ZDHHC1: variants seen among roughly 807,000 people sequenced by gnomAD.
The protein encoded by ZDHHC1 is palmitoyltransferase ZDHHC1.
In ZDHHC1, 45 loss-of-function variants were observed where a neutral mutation model predicts 46.9. The observed-to-expected ratio is 0.96, with a 90% CI of 0.76 to 1.23. The LOEUF (loss-of-function observed/expected upper bound fraction) is 1.23, where lower values mean the gene tolerates loss of function less well. ZDHHC1 is among the 50% of genes most tolerant of loss of function. The pLI is 0.00. For synonymous variants in ZDHHC1, 291 were observed against 286.0 expected (o/e 1.02, Z -0.18); for missense variants, 649 against 670.8 (o/e 0.97, Z 0.36).
chr16:67,399,539 C>G, intron 4 of ZDHHC1, 83 bp from the exon 5 acceptor site: 2 of 1,189,822 alleles, frequency 1.7e-6, no homozygotes, highest in Non-Finnish European at 2.4e-6. Context: ...TGAGTGGGGT[C>G]TGTGGAGGGA....
intron 10 of ZDHHC1, 27 bp from the exon 11 acceptor site, chr16:67,395,089 G>T: frequency 4.3e-6 from 7 of 1,613,266 alleles, no homozygotes; most frequent in Non-Finnish European, 3.4e-6. Context: ...GAGCCTGAGG[G>T]CCCCACATCG....
At position 67,395,457 on chromosome 16, in the gene ZDHHC1, A is replaced by G. The variant is rs997312270; in HGVS notation, c.1010+27T>C. The G allele has an allele frequency of 2.6e-6, 4 of 1,550,798 alleles. No homozygotes were observed. In the African/African-American group the frequency reaches 4.1e-5, roughly 16 times the overall value. ...CCTGCCATGCTAACTGGAGATGCCC[A>G]GTGGCACATGCCCAGGTTGCACTCA... On this transcript the variant is annotated intron_variant, in intron 9 of 11. Coordinates refer to ENST00000565726, the MANE Select transcript of ZDHHC1 (RefSeq NM_001323627.2).
At chr16:67,397,857 TGAG>T (rs572922427) in intron 8 of ZDHHC1, among the ~76,000 whole-genome samples, 39 of 152,338 alleles carry the variant, frequency 2.6e-4, no homozygotes, top group African/African-American at 8.9e-4. Context: ...AGGTCATGGA[TGAG>T]GAGAAGTGAT....
intron 1 of ZDHHC1, among the ~76,000 whole-genome samples, chr16:67,411,850 C>T (rs1362697715): frequency 2.0e-5 from 3 of 152,304 alleles, no homozygotes; most frequent in East Asian, 1.9e-4. Context: ...CGGTGGCTCA[C>T]GCCTGTAATC....
At chr16:67,399,509 GC>G in intron 4 of ZDHHC1, 53 bp from the exon 5 acceptor site, 1 of 1,505,064 alleles carries the variant, frequency 6.6e-7, no homozygotes, top group Admixed American at 1.7e-5. Context: ...CCGCTCTGCG[GC>G]CCGGCCGGTC....
chr16:67,398,530 G>C, intron 7 of ZDHHC1, 43 bp downstream of exon 7: 1 of 1,560,198 alleles, frequency 6.4e-7, no homozygotes, highest in Non-Finnish European at 8.6e-7. Context: ...CCTGCAATCT[G>C]AGGACCCCTG....
Position 67,416,275 on chromosome 16 carries a change from C to T in ZDHHC1, c.-143G>A, listed in dbSNP as rs2040832866. On this transcript the variant is annotated 5_prime_UTR_variant, in exon 1 of 12. Transcript: ENST00000565726. ...CTCCCCGGGGCAGCCGCGCCTCAGA[C>T]CCTCGCGGTAGGGACGGTCCCCGGG... The T allele has an allele frequency of 6.5e-6, 1 of 155,036 alleles. No individual in the cohort carries two copies. The highest frequency in any genetic ancestry group is 1.6e-4 in the South Asian group (1 of 6,222). The allele number at this position is 155,036 out of a possible 1,614,324, so 9.6% of individuals were successfully genotyped here. A position where few individuals can be genotyped will look rare whatever the true frequency, so the allele number is the denominator to read the frequency against.
At chr16:67,413,857 T>G (rs2040790253) in intron 1 of ZDHHC1, among the ~76,000 whole-genome samples, 1 of 149,004 alleles carries the variant, frequency 6.7e-6, no homozygotes, top group Non-Finnish European at 1.5e-5. Flanking sequence ...AAGAATCTCT[T>G]GAACCCAGGA....
Position 67,394,364 on chromosome 16 carries a change from G to A in ZDHHC1, c.*246C>T. On this transcript the variant is annotated 3_prime_UTR_variant, in exon 12 of 12. Transcript: ENST00000565726. ...CTCCCCGCCCCCGGTCCACTGGCCAGGGTCGGGCTTCTGGATGGCCCGTGG... is the reference window on the plus strand; with the variant it reads ...CTCCCCGCCCCCGGTCCACTGGCCAAGGTCGGGCTTCTGGATGGCCCGTGG... 5.3e-6 allele frequency: 1 copy of A among 190,236 alleles called. No homozygotes were observed. The allele number at this position is 190,236 out of a possible 1,614,324, so 11.8% of individuals were successfully genotyped here.
intron 1 of ZDHHC1, among the ~76,000 whole-genome samples, chr16:67,413,756 A>G (rs1275691476): frequency 1.5e-5 from 2 of 136,862 alleles, no homozygotes; most frequent in African/African-American, 7.3e-5. Flanking sequence ...CCTGGCCAAC[A>G]TGGTGAAACC....
intron 8 of ZDHHC1, among the ~76,000 whole-genome samples, chr16:67,396,985 G>A (rs879699057): frequency 1.3e-5 from 2 of 152,166 alleles, no homozygotes; most frequent in African/African-American, 4.8e-5. Flanking sequence ...GTCCTCTCTC[G>A]CCATGGCTGT....
At chr16:67,413,882 T>C (rs985712088) in intron 1 of ZDHHC1, among the ~76,000 whole-genome samples, 4 of 138,882 alleles carry the variant, frequency 2.9e-5, no homozygotes, top group Non-Finnish European at 4.5e-5. Context: ...GAGTTTGCAG[T>C]GAGCCGGGAT....
chr16:67,414,170 C>T (rs1200064045), intron 1 of ZDHHC1, among the ~76,000 whole-genome samples: 1 of 152,082 alleles, frequency 6.6e-6, no homozygotes, highest in Admixed American at 6.5e-5. Flanking sequence ...TTGACTTTAA[C>T]CAGGAAATCA....
chr16:67,399,405 G>A lies in ZDHHC1; in HGVS notation c.480C>T (p.Phe160=), dbSNP rs189271504. 9.9e-5 allele frequency: 160 copies of A among 1,613,386 alleles called. No individual in the cohort carries two copies. Among genetic ancestry groups the A allele is most frequent in the Middle Eastern group, 1.7e-4 (1 of 6,058 alleles). ...CSACNKCVCG[F]DHHCKWLNNC... Reference sequence around the variant, plus strand: ...TGTTGAGCCACTTGCAGTGGTGGTCGAAACCGCACACGCACTTGTTGCAGG... The same window carrying A: ...TGTTGAGCCACTTGCAGTGGTGGTCAAAACCGCACACGCACTTGTTGCAGG... Residue 160 remains phenylalanine (F), a synonymous_variant, in exon 5 of 12, where the codon TTC becomes TTT. Transcript: ENST00000565726.
chr16:67,399,242 A>G, intron 5 of ZDHHC1, 113 bp downstream of exon 5: 1 of 988,928 alleles, frequency 1.0e-6, no homozygotes, highest in Non-Finnish European at 1.5e-6. Context: ...AAACGGGCAC[A>G]GGTCCTCGAA....
intron 3 of ZDHHC1, chr16:67,404,712 G>T (rs1242374036): frequency 2.2e-6 from 1 of 455,842 alleles, no homozygotes; most frequent in East Asian, 7.0e-5. Context: ...TCTGTGCCCA[G>T]CTTCTTCATT....
rs1479024643 is a variant in ZDHHC1 at position 67,398,592 on chromosome 16, G to A, written c.795C>T (p.Leu265=). ...LLSTALLGHL[L]CFHIYLMWHK... ...ACTTACTGAGATAAATGTGGAAGCA[G>A]AGCAGGTGCCCCAGGAGGGCTGTGG... The change falls in exon 7 of 12, where the codon CTC becomes CTT. Residue 265 remains leucine (L), a synonymous_variant. Coordinates refer to ENST00000565726, the MANE Select transcript of ZDHHC1 (RefSeq NM_001323627.2). The A allele has an allele frequency of 6.2e-7, 1 of 1,603,656 alleles. No homozygotes were observed. Among genetic ancestry groups the A allele is most frequent in the African/African-American group, 1.3e-5 (1 of 74,990 alleles).
Position 67,401,306 on chromosome 16 carries a change from C to A in ZDHHC1, c.253-174G>T, listed in dbSNP as rs2040549465. Reference sequence around the variant, plus strand: ...CTCCTCATCAGACCTCTCCAGGTAACCCCTATGCCCCAAATGGAAAGAGGG... The same window carrying A: ...CTCCTCATCAGACCTCTCCAGGTAAACCCTATGCCCCAAATGGAAAGAGGG... On this transcript the variant is annotated intron_variant, in intron 3 of 11. Coordinates refer to ENST00000565726, the MANE Select transcript of ZDHHC1 (RefSeq NM_001323627.2). The surrounding 1 kb of genome is among the most constrained non-coding windows in gnomAD (Gnocchi z 4.6). Among the ~76,000 whole-genome samples, 1 of 152,208 alleles carries A rather than the reference C, an allele frequency of 6.6e-6. No individual in the cohort carries two copies. The highest frequency in any genetic ancestry group is 6.5e-5 in the Admixed American group (1 of 15,282).
rs2040661552 is a variant in ZDHHC1, at chr16:67,406,461, T to C, written c.10-19A>G. On this transcript the variant is annotated intron_variant, in intron 2 of 11. Coordinates refer to ENST00000565726, the MANE Select transcript of ZDHHC1 (RefSeq NM_001323627.2). This position sits in a 1 kb window ranked among gnomAD's most constrained non-coding sequence, Gnocchi z 4.1. ...TGTTCATCTCCAGAGGGAGAAACAG[T>C]AGAGAGAGCATTAGCCCAAGAAGCT... 1 of 1,492,144 alleles carries C rather than the reference T, an allele frequency of 6.7e-7. No homozygotes were observed. Among genetic ancestry groups the C allele is most frequent in the South Asian group, 1.4e-5 (1 of 73,234 alleles). The allele number at this position is 1,492,144 out of a possible 1,614,324, so 92.4% of individuals were successfully genotyped here. A position where few individuals can be genotyped will look rare whatever the true frequency, so the allele number is the denominator to read the frequency against.
Sources: allele counts gnomAD v4.1 joint callset (sites outside exome capture counted in the v4.1 genomes callset), GRCh38; gene constraint gnomAD v4.1.1; non-coding constraint Gnocchi (gnomAD v3.1); transcripts MANE v1.5; gene names NCBI Gene and HGNC (gene_info 2026-07-23, HGNC 2026-07-21).